Variants in NRG3 observed in about 807,000 individuals in gnomAD.
The protein encoded by NRG3 is neuregulin 3.
In NRG3, 31 loss-of-function variants were observed where a neutral mutation model predicts 66.9. The observed-to-expected ratio is 0.46, with a 90% CI of 0.35 to 0.63. NRG3 has a LOEUF of 0.63. Ranked by LOEUF, NRG3 falls within the 20% of genes least tolerant of loss-of-function variation. NRG3 has a pLI of 0.00. For missense variants in NRG3, 910 were observed against 878.9 expected, an observed-to-expected ratio of 1.04 and a Z score of -0.45; for synonymous variants, 393 against 359.4, an observed-to-expected ratio of 1.09 and a Z score of -1.06.
chr10:82,065,230 A>T (rs930717824), intron 1 of NRG3, among the ~76,000 whole-genome samples: 1 of 152,182 alleles, frequency 6.6e-6, no homozygotes, highest in African/African-American at 2.4e-5. Flanking sequence ...CCATCTATTA[A>T]TAGCAAGCAC....
chr10:82,870,047 T>TAATTTTCTCATGTGTTTTCATTGC (rs1841179486), intron 4 of NRG3, among the ~76,000 whole-genome samples: 1 of 149,472 alleles, frequency 6.7e-6, no homozygotes, highest in East Asian at 2.0e-4. Context: ...TTTTTGTATT[T>TAATTTTCTCATGTGTTTTCATTGC]TTAGTAGAGA....
chr10:82,764,213 T>G (rs887565787), intron 3 of NRG3, among the ~76,000 whole-genome samples: 4 of 151,944 alleles, frequency 2.6e-5, no homozygotes, highest in African/African-American at 9.7e-5. Flanking sequence ...TTTTGTACTT[T>G]TAGTGGAGAT....
chr10:82,508,501 A>G (rs1844881785), intron 2 of NRG3, among the ~76,000 whole-genome samples: 1 of 152,224 alleles, frequency 6.6e-6, no homozygotes, highest in African/African-American at 2.4e-5. Flanking sequence ...GAGACAATCA[A>G]TATCCAAAAT....
intron 3 of NRG3, among the ~76,000 whole-genome samples, chr10:82,817,967 G>A (rs543602054): frequency 1.1e-4 from 16 of 152,228 alleles, no homozygotes; most frequent in South Asian, 2.1e-4. Context: ...TCAAGCCTGC[G>A]GTGGAAGAAA....
At chr10:82,638,833 G>C (rs567988944) in intron 2 of NRG3, among the ~76,000 whole-genome samples, 59 of 151,990 alleles carry the variant, frequency 3.9e-4, no homozygotes, top group Non-Finnish European at 7.8e-4. Context: ...TTTTAGTAGC[G>C]ACAGGGTTTC....
intron 2 of NRG3, among the ~76,000 whole-genome samples, chr10:82,669,946 CA>C: frequency 6.6e-6 from 1 of 150,736 alleles, no homozygotes; most frequent in Middle Eastern, 3.5e-3. Flanking sequence ...AAAAAGAAAA[CA>C]AAAAAGCTGC....
At chr10:82,613,838 TC>T (rs903759530) in intron 2 of NRG3, among the ~76,000 whole-genome samples, 2 of 73,946 alleles carry the variant, frequency 2.7e-5, no homozygotes, top group Admixed American at 2.1e-4. Context: ...CCCTCCCCCC[TC>T]CCCCCACCCC....
intron 1 of NRG3, among the ~76,000 whole-genome samples, chr10:82,093,340 C>T (rs1310405341): frequency 1.3e-5 from 2 of 151,738 alleles, no homozygotes; most frequent in African/African-American, 4.8e-5. Context: ...AAGGTGTAGA[C>T]TCATGTACGC....
intron 2 of NRG3, among the ~76,000 whole-genome samples, chr10:82,507,709 G>A (rs1008161673): frequency 1.3e-5 from 2 of 152,176 alleles, no homozygotes; most frequent in South Asian, 4.1e-4. Flanking sequence ...CAGTATTTGG[G>A]ACTAGGTTTC....
chr10:82,247,326 A>G (rs1177855252), intron 1 of NRG3, among the ~76,000 whole-genome samples: 3 of 152,204 alleles, frequency 2.0e-5, no homozygotes, highest in Non-Finnish European at 4.4e-5. Flanking sequence ...AGGACCCAGC[A>G]TGTTCAGGTT....
chr10:82,357,059 G>A (rs1248606461), intron 1 of NRG3, among the ~76,000 whole-genome samples: 1 of 152,202 alleles, frequency 6.6e-6, no homozygotes, highest in East Asian at 1.9e-4. Context: ...GAGGCACTGG[G>A]AGGCACAAGA....
chr10:82,778,025 C>A (rs892736438), intron 3 of NRG3, among the ~76,000 whole-genome samples: 10 of 150,956 alleles, frequency 6.6e-5, no homozygotes, highest in Non-Finnish European at 1.5e-4. Context: ...TCAGCCAAGG[C>A]TCTTTTTCCC....
intron 2 of NRG3, among the ~76,000 whole-genome samples, chr10:82,430,299 C>A (rs1246619977): frequency 6.6e-6 from 1 of 151,888 alleles, no homozygotes; most frequent in Non-Finnish European, 1.5e-5. Flanking sequence ...GCTCTGTCAC[C>A]CAGGCTGGAG....
At chr10:82,810,775 A>C (rs56161908) in intron 3 of NRG3, among the ~76,000 whole-genome samples, 10,594 of 150,732 alleles carry the variant, frequency 0.07, 392 homozygotes, top group Middle Eastern at 0.1. Context: ...CGACTGCAAT[A>C]GTCCAAGCCA....
At chr10:82,835,749 T>C (rs1038155005) in intron 3 of NRG3, among the ~76,000 whole-genome samples, 1 of 152,156 alleles carries the variant, frequency 6.6e-6, no homozygotes, top group African/African-American at 2.4e-5. Context: ...GGACAGACAC[T>C]CCTTAGAATC....
intron 1 of NRG3, among the ~76,000 whole-genome samples, chr10:82,179,721 T>C (rs1386371031): frequency 2.6e-5 from 4 of 151,924 alleles, no homozygotes; most frequent in Non-Finnish European, 5.9e-5. Flanking sequence ...GTTTTAACTA[T>C]TTGGGGTCCT....
At chr10:82,427,770 T>A (rs2089540513) in intron 2 of NRG3, among the ~76,000 whole-genome samples, 1 of 152,116 alleles carries the variant, frequency 6.6e-6, no homozygotes, top group Non-Finnish European at 1.5e-5. Context: ...TTTGGAAGAT[T>A]TACAAAGGAC....
intron 2 of NRG3, among the ~76,000 whole-genome samples, chr10:82,690,244 TAG>T (rs1455735887): frequency 6.6e-6 from 1 of 151,134 alleles, no homozygotes; most frequent in East Asian, 2.0e-4. Flanking sequence ...TAAATTTCAA[TAG>T]AGTGTTTTTC....
chr10:82,966,931 T>G (rs1374017778), intron 6 of NRG3, among the ~76,000 whole-genome samples: 2 of 151,968 alleles, frequency 1.3e-5, no homozygotes, highest in Non-Finnish European at 2.9e-5. Flanking sequence ...AGGGTTTTTT[T>G]TTGTTGTTGA....
Sources: allele counts gnomAD v4.1 joint callset (sites outside exome capture counted in the v4.1 genomes callset), GRCh38; gene constraint gnomAD v4.1.1; transcripts MANE v1.5; gene names NCBI Gene and HGNC (gene_info 2026-07-23, HGNC 2026-07-21).